The following ESR1 variants were observed in gnomAD, a reference collection of about 807,000 sequenced individuals.
ESR1 encodes the protein estrogen receptor 1.
A neutral mutation model predicts 52.7 loss-of-function variants in ESR1; 12 were observed. The ratio of observed to expected loss-of-function variants is 0.23; its 90% confidence interval spans 0.15 to 0.37. The LOEUF (loss-of-function observed/expected upper bound fraction) is 0.37. Among genes scored for constraint, ESR1 ranks in the 10% least tolerant of loss-of-function variants. The pLI, the probability that ESR1 is intolerant of heterozygous loss-of-function variation, is 1.00. For synonymous variants in ESR1, 305 were observed against 316.8 expected, an observed-to-expected ratio of 0.96 and a Z score of 0.39; for missense variants, 584 against 779.7, an observed-to-expected ratio of 0.75 and a Z score of 2.99.
intron 4 of ESR1, among the ~76,000 whole-genome samples, chr6:151,979,509 CTTATT>C (rs2039790579): frequency 6.6e-6 from 1 of 151,846 alleles, no homozygotes; most frequent in African/African-American, 2.4e-5. Flanking sequence ...GAGTTATGCC[CTTATT>C]TTAATGCCAT....
chr6:151,686,701 C>A (rs1320123484), upstream of ESR1, among the ~76,000 whole-genome samples: 8 of 145,258 alleles, frequency 5.5e-5, no homozygotes, highest in African/African-American at 1.7e-4. Flanking sequence ...ACCAACCAAC[C>A]AACCAACCAA....
At chr6:151,788,122 T>C (rs529418687) in intron 2 of ESR1, among the ~76,000 whole-genome samples, 54 of 152,240 alleles carry the variant, frequency 3.5e-4, no homozygotes, top group South Asian at 6.2e-4. Context: ...GATCTAATTA[T>C]ACTAAAGAGC....
intron 2 of ESR1, among the ~76,000 whole-genome samples, chr6:151,718,576 CT>C (rs1781226855): frequency 6.6e-6 from 1 of 152,148 alleles, no homozygotes; most frequent in Non-Finnish European, 1.5e-5. Context: ...TGACAATGGG[CT>C]GAATGAAGAG....
intron 1 of ESR1, among the ~76,000 whole-genome samples, chr6:151,838,775 T>C (rs1562461324): frequency 6.6e-6 from 1 of 152,216 alleles, no homozygotes; most frequent in Non-Finnish European, 1.5e-5. Context: ...TTAGTGAATA[T>C]AGCCCATGTA....
chr6:151,854,170 T>G (rs1233036978), intron 2 of ESR1, among the ~76,000 whole-genome samples: 1 of 152,208 alleles, frequency 6.6e-6, no homozygotes, highest in Non-Finnish European at 1.5e-5. Context: ...TATACTACAC[T>G]ATGTCAGCAC....
chr6:152,116,642 C>A (rs1352160427), intron 6 of ESR1, among the ~76,000 whole-genome samples: 4 of 151,218 alleles, frequency 2.6e-5, no homozygotes, highest in Non-Finnish European at 4.4e-5. Context: ...ACATACACAG[C>A]GAGAAAGAAA....
At chr6:152,003,008 G>A (rs1002808461) in intron 4 of ESR1, among the ~76,000 whole-genome samples, 4 of 151,922 alleles carry the variant, frequency 2.6e-5, no homozygotes, top group African/African-American at 9.7e-5. Flanking sequence ...TTGGAAAATT[G>A]GGAAGCTAGA....
intron 6 of ESR1, among the ~76,000 whole-genome samples, chr6:152,087,441 A>G (rs1035947219): frequency 6.6e-6 from 1 of 152,216 alleles, no homozygotes; most frequent in Non-Finnish European, 1.5e-5. Flanking sequence ...TACTATAACA[A>G]TAGGCTACAA....
rs1782476077 is a variant in ESR1 at position 151,734,345 on chromosome 6, A to G, written c.-71+32340A>G. 2.6e-5 allele frequency among the ~76,000 whole-genome samples: 4 copies of G among 152,242 alleles called. No individual in the cohort carries two copies. The Middle Eastern group carries it at 0.014, about 518-fold the overall frequency. ...TTCTTTGTGGCAGCCATGATTCTGA[A>G]GGTCACTGAAGGGTATTTTTCCCTG... On this transcript the variant is annotated intron_variant, in intron 2 of 2. Transcript: ENST00000404742.
intron 5 of ESR1, among the ~76,000 whole-genome samples, chr6:152,055,283 A>T (rs139928192): frequency 3.3e-5 from 5 of 152,284 alleles, no homozygotes; most frequent in Admixed American, 3.3e-4. Context: ...TAATGGTTGT[A>T]GTAATTTACA....
At chr6:152,096,225 C>T (rs1473382222) in intron 7 of ESR1, among the ~76,000 whole-genome samples, 1 of 152,146 alleles carries the variant, frequency 6.6e-6, no homozygotes, top group Non-Finnish European at 1.5e-5. Context: ...GTGATGAAGC[C>T]TACATGACCT....
At chr6:152,015,353 C>G (rs2043091307) in intron 5 of ESR1, among the ~76,000 whole-genome samples, 1 of 152,192 alleles carries the variant, frequency 6.6e-6, no homozygotes, top group South Asian at 2.1e-4. Context: ...CCTCTTCAGC[C>G]TTTATATATA....
chr6:151,692,505 C>A (rs1779023753), intron 1 of ESR1, among the ~76,000 whole-genome samples: 1 of 152,056 alleles, frequency 6.6e-6, no homozygotes, highest in South Asian at 2.1e-4. Flanking sequence ...CTGGGTAGAC[C>A]ATCCACACTG....
Position 151,787,821 on chromosome 6 carries a change from T to C in ESR1, c.-70-20022T>C, listed in dbSNP as rs900797754. Among the ~76,000 whole-genome samples the C allele has an allele frequency of 2.0e-5, 3 of 152,284 alleles. No homozygotes were observed. The East Asian group carries it at 5.8e-4, about 29-fold the overall frequency. Reference sequence around the variant, plus strand: ...GATAGTTTGACTACCTCTCTTTCTATTTGGATGTGCTATATTTCTTTCTCT... The same window carrying C: ...GATAGTTTGACTACCTCTCTTTCTACTTGGATGTGCTATATTTCTTTCTCT... On this transcript the variant is annotated intron_variant, in intron 2 of 2. Coordinates refer to the ESR1 transcript ENST00000404742.
intron 2 of ESR1, among the ~76,000 whole-genome samples, chr6:151,877,114 T>C (rs79282835): frequency 6.8e-6 from 1 of 147,560 alleles, no homozygotes; most frequent in Non-Finnish European, 1.5e-5. Context: ...GAATTTCTTC[T>C]TTTTTTTTTA....
intron 3 of ESR1, among the ~76,000 whole-genome samples, chr6:151,914,966 A>G (rs1301591126): frequency 6.6e-6 from 1 of 152,218 alleles, no homozygotes; most frequent in Admixed American, 6.5e-5. Context: ...ACCAACGGAA[A>G]TTTTGGTAAC....
Position 151,892,619 on chromosome 6 carries a change from G to T in ESR1, c.760+11848G>T, listed in dbSNP as rs181201130. Among the ~76,000 whole-genome samples, 15 of 139,434 alleles carry T rather than the reference G, an allele frequency of 1.1e-4. No individual in the cohort carries two copies. In the East Asian group the frequency reaches 2.6e-3, roughly 24 times the overall value. The allele number at this position is 139,434 out of a possible 152,430, so 91.5% of individuals were successfully genotyped here. A position where few individuals can be genotyped will look rare whatever the true frequency, so the allele number is the denominator to read the frequency against. ...TTTTTTTTTTTTTTCTGTTAGAGAT[G>T]TAATAATCATGACTAAGACTGGAAT... On this transcript the variant is annotated intron_variant, in intron 3 of 7. Transcript: ENST00000206249.
At chr6:152,049,092 C>T (rs2046461383) in intron 5 of ESR1, among the ~76,000 whole-genome samples, 1 of 152,136 alleles carries the variant, frequency 6.6e-6, no homozygotes, top group South Asian at 2.1e-4. Context: ...CAGAATTTTC[C>T]TCTAGGGACT....
intron 3 of ESR1, among the ~76,000 whole-genome samples, chr6:151,898,231 G>A (rs1795853116): frequency 6.6e-6 from 1 of 152,138 alleles, no homozygotes; most frequent in African/African-American, 2.4e-5. Context: ...GTATTTGGAT[G>A]TCTAGGTCTC....
Sources: allele counts gnomAD v4.1 joint callset (sites outside exome capture counted in the v4.1 genomes callset), GRCh38; gene constraint gnomAD v4.1.1; transcripts MANE v1.5; gene names NCBI Gene and HGNC (gene_info 2026-07-23, HGNC 2026-07-21).